DRC8: variants seen among roughly 807,000 people sequenced by gnomAD.
The protein encoded by DRC8 is dynein regulatory complex subunit 8.
chr1:245,110,063 G>T, the DRC8 span, among the ~76,000 whole-genome samples: 1 of 152,152 alleles, frequency 6.6e-6, no homozygotes, highest in African/African-American at 2.4e-5. Flanking sequence ...CTGGAGTAAA[G>T]ACTTCGTTAA....
chr1:245,026,729 C>G, the DRC8 span, among the ~76,000 whole-genome samples: 1 of 152,188 alleles, frequency 6.6e-6, no homozygotes, highest in African/African-American at 2.4e-5. Context: ...ACATGTGTAA[C>G]TTGGATAAAT....
chr1:245,111,718 A>G, the DRC8 span, among the ~76,000 whole-genome samples: 1 of 152,118 alleles, frequency 6.6e-6, no homozygotes, highest in Admixed American at 6.5e-5. Flanking sequence ...ACTTTTAGAA[A>G]ACCCTGCTGT....
chr1:245,055,877 T>C, the DRC8 span, among the ~76,000 whole-genome samples: 7 of 152,220 alleles, frequency 4.6e-5, no homozygotes, highest in Middle Eastern at 6.8e-3. Flanking sequence ...ATTCATTTTA[T>C]GAAGTTGTAA....
chr1:244,990,050 T>C, the DRC8 span, among the ~76,000 whole-genome samples: 1 of 152,260 alleles, frequency 6.6e-6, no homozygotes, highest in Admixed American at 6.5e-5. Flanking sequence ...GCTTCTGACA[T>C]TTAACCATGA....
chr1:245,027,933 C>T, the DRC8 span, among the ~76,000 whole-genome samples: 1 of 151,700 alleles, frequency 6.6e-6, no homozygotes, highest in Non-Finnish European at 1.5e-5. Context: ...CGTCTGTCAC[C>T]CAGGCAGGAA....
At chr1:245,006,710 G>A in the DRC8 span, among the ~76,000 whole-genome samples, 2 of 152,182 alleles carry the variant, frequency 1.3e-5, no homozygotes, top group Admixed American at 6.5e-5. Flanking sequence ...GAGATGTGTG[G>A]ATTGCTTGAG....
At chr1:245,101,692 A>G in the DRC8 span, among the ~76,000 whole-genome samples, 11 of 152,316 alleles carry the variant, frequency 7.2e-5, no homozygotes, top group East Asian at 2.1e-3. Context: ...TTTAAAATTG[A>G]TACATAATAG....
At chr1:245,089,845 C>G in the DRC8 span, among the ~76,000 whole-genome samples, 1 of 152,162 alleles carries the variant, frequency 6.6e-6, no homozygotes, top group Non-Finnish European at 1.5e-5. This position sits in a 1 kb window ranked among gnomAD's most constrained non-coding sequence, Gnocchi z 4.8. Flanking sequence ...GAGGGGCCAG[C>G]TTCCAGAGCA....
chr1:244,985,068 T>C, the DRC8 span, among the ~76,000 whole-genome samples: 1 of 134,462 alleles, frequency 7.4e-6, no homozygotes, highest in African/African-American at 2.7e-5. Flanking sequence ...ATGTCTTCTG[T>C]CTCCAGGGTT....
chr1:245,035,042 G>C, the DRC8 span, among the ~76,000 whole-genome samples: 2 of 151,918 alleles, frequency 1.3e-5, no homozygotes, highest in Admixed American at 1.3e-4. Flanking sequence ...TAGCTAAAAT[G>C]GTCAACTTTC....
the DRC8 span, among the ~76,000 whole-genome samples, chr1:245,098,603 T>A: frequency 1.3e-5 from 2 of 152,212 alleles, no homozygotes; most frequent in Admixed American, 6.5e-5. Flanking sequence ...TGGACTCACA[T>A]AGACTAGAAA....
chr1:244,993,310 C>G, the DRC8 span, among the ~76,000 whole-genome samples: 2 of 152,182 alleles, frequency 1.3e-5, no homozygotes, highest in African/African-American at 4.8e-5. Flanking sequence ...GTTTCTCGCA[C>G]ATGTAGAATG....
the DRC8 span, chr1:245,059,501 G>A: frequency 6.6e-7 from 1 of 1,515,856 alleles, no homozygotes; most frequent in Non-Finnish European, 9.1e-7. Context: ...CTCTCTGTGT[G>A]AGAGCTACTC....
chr1:244,998,159 A>G, the DRC8 span, among the ~76,000 whole-genome samples: 1 of 152,030 alleles, frequency 6.6e-6, no homozygotes, highest in Non-Finnish European at 1.5e-5. Flanking sequence ...ACTGACCACC[A>G]TCTCCTAATT....
chr1:245,106,673 G>C, the DRC8 span, among the ~76,000 whole-genome samples: 1 of 152,204 alleles, frequency 6.6e-6, no homozygotes, highest in Non-Finnish European at 1.5e-5. Context: ...TAGGTAGAAA[G>C]TTGGGGAAAT....
At chr1:245,091,383 A>G in the DRC8 span, 2 of 152,336 alleles carry the variant, frequency 1.3e-5, no homozygotes, top group Non-Finnish European at 2.9e-5. Context: ...TTTGGAGCAT[A>G]CAGGACAGCT....
the DRC8 span, among the ~76,000 whole-genome samples, chr1:245,018,318 C>T: frequency 6.6e-6 from 1 of 151,762 alleles, no homozygotes; most frequent in African/African-American, 2.4e-5. Flanking sequence ...ATCTCAAGAC[C>T]AGAACCTAGT....
chr1:245,067,418 A>G, the DRC8 span, among the ~76,000 whole-genome samples: 2 of 152,192 alleles, frequency 1.3e-5, no homozygotes, highest in Non-Finnish European at 2.9e-5. Context: ...GTTTAATGTT[A>G]CATTTATAGT....
chr1:245,094,660 C>T, the DRC8 span, among the ~76,000 whole-genome samples: 2 of 152,128 alleles, frequency 1.3e-5, no homozygotes, highest in East Asian at 1.9e-4. Flanking sequence ...TCTTGCGTTC[C>T]CTGCAGGGGC....
Sources: gnomAD v4.1 joint callset for allele counts (sites outside exome capture counted in the v4.1 genomes callset) on GRCh38, gnomAD v4.1.1 for gene constraint, Gnocchi (gnomAD v3.1) non-coding constraint, MANE v1.5 for transcripts, NCBI Gene and HGNC (gene_info 2026-07-23, HGNC 2026-07-21) for gene names.